Variants in FAM216A observed in about 807,000 individuals in gnomAD.
The protein encoded by FAM216A is family with sequence similarity 216 member A, also known as protein FAM216A.
In FAM216A, 26 loss-of-function variants were observed where a neutral mutation model predicts 37.6. The observed-to-expected ratio is 0.69, with a 90% CI of 0.51 to 0.96. FAM216A has a LOEUF of 0.96. Among genes scored for constraint, FAM216A ranks in the 40% least tolerant of loss-of-function variants. FAM216A has a pLI of 0.00. For synonymous variants in FAM216A, 110 were observed against 121.7 expected, an observed-to-expected ratio of 0.90 and a Z score of 0.64; for missense variants, 326 against 339.3, an observed-to-expected ratio of 0.96 and a Z score of 0.31.
In FAM216A at chr12:110,486,263, A is replaced by C. The variant is rs185196727; in HGVS notation, c.307-62A>C. 149 of 1,481,400 alleles carry C rather than the reference A, an allele frequency of 1.0e-4. 1 individual carries two copies. The African/African-American group carries it at 1.7e-3, about 17-fold the overall frequency. 91.8% of individuals were successfully genotyped at this position (1,481,400 alleles called of 1,614,324 possible). A position where few individuals can be genotyped will look rare whatever the true frequency, so the allele number is the denominator to read the frequency against. The stretch of plus-strand genomic sequence containing the variant: ...TCTTGAACATTCATCTCTTCAGATA[A>C]GGAATATTGCCAACTTCTCTAATAC... On this transcript the variant is annotated intron_variant, in intron 3 of 6. Transcript: ENST00000377673.
Position 110,490,230 on chromosome 12 carries a change from T to C in FAM216A, c.*93T>C. On this transcript the variant is annotated 3_prime_UTR_variant, in exon 7 of 7. Transcript: ENST00000377673. ...TGTTTAGGATGGTATTGTTATTTAT[T>C]AAATCATTAAGTAATTTTGGTTTGT... 1.3e-6 allele frequency: 1 copy of C among 748,424 alleles called. No individual in the cohort carries two copies. The highest frequency in any genetic ancestry group is 1.5e-5 in the South Asian group (1 of 67,186). The allele number at this position is 748,424 out of a possible 1,614,324, so 46.4% of individuals were successfully genotyped here. A position where few individuals can be genotyped will look rare whatever the true frequency, so the allele number is the denominator to read the frequency against.
At chr12:110,474,519 G>A (rs773782477) in intron 2 of FAM216A, among the ~76,000 whole-genome samples, 2 of 151,404 alleles carry the variant, frequency 1.3e-5, no homozygotes, top group Non-Finnish European at 2.9e-5. Flanking sequence ...GTGAAACCCC[G>A]TCTCTGCTAA....
At chr12:110,484,112 TAAAAA>T in intron 2 of FAM216A, among the ~76,000 whole-genome samples, 1 of 149,368 alleles carries the variant, frequency 6.7e-6, no homozygotes, top group East Asian at 2.0e-4. Flanking sequence ...TCCCATCTCT[TAAAAA>T]AAGATTTAAA....
chr12:110,476,681 C>T (rs1285443891), intron 2 of FAM216A, among the ~76,000 whole-genome samples: 1 of 151,880 alleles, frequency 6.6e-6, no homozygotes, highest in African/African-American at 2.4e-5. Flanking sequence ...GCACATGCCA[C>T]CATGCCTGGC....
At chr12:110,481,625 G>T (rs565654929) in intron 2 of FAM216A, among the ~76,000 whole-genome samples, 3 of 151,870 alleles carry the variant, frequency 2.0e-5, no homozygotes, top group South Asian at 2.1e-4. Context: ...AGCCTCCCAA[G>T]GTACTGGGGT....
chr12:110,468,723 C>A, upstream of FAM216A: 2 of 1,502,614 alleles, frequency 1.3e-6, no homozygotes, highest in Admixed American at 4.1e-5. Flanking sequence ...TGCCCCTCCC[C>A]CACCGTAACT....
At chr12:110,488,438 G>T (rs1338566664) in intron 6 of FAM216A, among the ~76,000 whole-genome samples, 2 of 147,416 alleles carry the variant, frequency 1.4e-5, no homozygotes, top group African/African-American at 2.5e-5. Flanking sequence ...GAAAAGAAAA[G>T]AAAAAAAGAA....
At chr12:110,478,353 T>C (rs2062726586) in intron 2 of FAM216A, among the ~76,000 whole-genome samples, 1 of 152,182 alleles carries the variant, frequency 6.6e-6, no homozygotes, top group African/African-American at 2.4e-5. Flanking sequence ...GTAGGCAGCA[T>C]GGTCCCCAAA....
At position 110,485,151 on chromosome 12, in the gene FAM216A, T is replaced by G. The variant is rs775104878; in HGVS notation, c.258T>G (p.Asn86Lys). 1.2e-6 allele frequency: 2 copies of G among 1,613,182 alleles called. No homozygotes were observed. The highest frequency in any genetic ancestry group is 2.2e-5 in the South Asian group (2 of 90,888). Reference protein sequence around the residue: ...KLQELWKTPQNQTIHLSKSMM... With the variant: ...KLQELWKTPQKQTIHLSKSMM... The stretch of plus-strand genomic sequence containing the variant: ...AAGAGTTATGGAAAACTCCCCAAAA[T>G]CAAACAATCCACCTCTCTAAATCAA... The change falls in exon 3 of 7, where the codon AAT becomes AAG. Residue 86 changes from asparagine to lysine, a missense_variant. Physicochemically the swap from Asn to Lys is moderately conservative, Grantham distance 94. Coordinates refer to ENST00000377673, the MANE Select transcript of FAM216A (RefSeq NM_013300.3).
intron 1 of FAM216A, among the ~76,000 whole-genome samples, chr12:110,469,978 C>A (rs1348473101): frequency 6.6e-6 from 1 of 152,186 alleles, no homozygotes; most frequent in Admixed American, 6.6e-5. Context: ...GTTGAAGTCA[C>A]TGCTGGAGAC....
chr12:110,489,930 G>C, intron 6 of FAM216A, 89 bp from the exon 7 acceptor site: 1 of 666,472 alleles, frequency 1.5e-6, no homozygotes, highest in Non-Finnish European at 2.6e-6. Context: ...CTTTACTACA[G>C]GCTTATTAAT....
At chr12:110,483,208 C>A (rs1349690869) in intron 2 of FAM216A, among the ~76,000 whole-genome samples, 2 of 151,826 alleles carry the variant, frequency 1.3e-5, no homozygotes, top group African/African-American at 4.8e-5. Context: ...CCTGTAGTCC[C>A]AGCTACTCAG....
At position 110,472,975 on chromosome 12, in the gene FAM216A, CAAAAA is replaced by C. The variant is rs879057348; in HGVS notation, c.144-78_144-74del. On this transcript the variant is annotated intron_variant, in intron 1 of 6. Transcript: ENST00000377673. ...TGGGTGACAAAGTGAGACCCTGTCT[CAAAAA>C]AAAAAAAAAAAAAAAAAAAAAAAAT... The C allele has an allele frequency of 7.2e-3, 623 of 87,050 alleles. 1 individual carries two copies. Among genetic ancestry groups the C allele is most frequent in the South Asian group, 0.012 (112 of 9,108 alleles). 5.4% of individuals were successfully genotyped at this position (87,050 alleles called of 1,614,324 possible).
At chr12:110,468,822 A>G (rs1403358202), upstream of FAM216A, 3 of 1,462,842 alleles carry the variant, frequency 2.1e-6, no homozygotes, top group African/African-American at 1.4e-5. Flanking sequence ...CCAGCATCCG[A>G]GCCGCCTCTC....
At position 110,474,691 on chromosome 12, in the gene FAM216A, CAAAAAAAAAAAAAA is replaced by C. The variant is rs34479591; in HGVS notation, c.184+1588_184+1601del. Among the ~76,000 whole-genome samples, 103 of 44,860 alleles carry C rather than the reference CAAAAAAAAAAAAAA, an allele frequency of 2.3e-3. 5 individuals are homozygous for C. In the Admixed American group the frequency reaches 0.031, roughly 14 times the overall value. 29.4% of individuals were successfully genotyped at this position (44,860 alleles called of 152,430 possible). ...TGGGCGACAGAGCGAGACTCTGTCT[CAAAAAAAAAAAAAA>C]AAAAAAAAAAAAAATGCTGGGCGCC... is the stretch of plus-strand genomic sequence containing the variant. On this transcript the variant is annotated intron_variant, in intron 2 of 6. Coordinates refer to ENST00000377673, the MANE Select transcript of FAM216A (RefSeq NM_013300.3).
chr12:110,473,165 C>A, intron 2 of FAM216A, 47 bp downstream of exon 2: 2 of 1,070,600 alleles, frequency 1.9e-6, no homozygotes, highest in Non-Finnish European at 2.7e-6. Context: ...TAACATGGTT[C>A]TGAGAAGCCT....
chr12:110,483,875 T>G (rs903377149), intron 2 of FAM216A, among the ~76,000 whole-genome samples: 10 of 152,014 alleles, frequency 6.6e-5, no homozygotes, highest in African/African-American at 2.4e-4. Context: ...AAAAATAAAT[T>G]TTGATAAATT....
At chr12:110,475,402 T>A (rs1308497629) in intron 2 of FAM216A, among the ~76,000 whole-genome samples, 3 of 151,860 alleles carry the variant, frequency 2.0e-5, no homozygotes, top group Admixed American at 2.0e-4. Context: ...CCACCATGCC[T>A]GGCTGATTTT....
chr12:110,471,430 C>T (rs1394915752), intron 1 of FAM216A, among the ~76,000 whole-genome samples: 1 of 152,106 alleles, frequency 6.6e-6, no homozygotes, highest in Admixed American at 6.6e-5. Context: ...ATAATTTACA[C>T]AAATTAAAGT....
Sources: gnomAD v4.1 joint callset for allele counts (sites outside exome capture counted in the v4.1 genomes callset) on GRCh38, gnomAD v4.1.1 for gene constraint, MANE v1.5 for transcripts, NCBI Gene and HGNC (gene_info 2026-07-23, HGNC 2026-07-21) for gene names.